ABCG2: variants seen among roughly 807,000 people sequenced by gnomAD.
ABCG2 encodes ATP binding cassette subfamily G member 2 (JR blood group).
Under a neutral mutation model 73.5 loss-of-function variants are expected in ABCG2, and 80 were observed. The ratio of observed to expected loss-of-function variants is 1.09; its 90% confidence interval spans 0.91 to 1.31. The LOEUF is 1.31. ABCG2 is among the 50% of genes most tolerant of loss of function. The pLI is 0.00. For synonymous variants in ABCG2, 269 were observed against 282.4 expected, an observed-to-expected ratio of 0.95 and a Z score of 0.48; for missense variants, 796 against 786.2, an observed-to-expected ratio of 1.01 and a Z score of -0.15.
intron 1 of ABCG2, among the ~76,000 whole-genome samples, chr4:88,212,010 G>A (rs1309750443): frequency 6.6e-6 from 1 of 152,210 alleles, no homozygotes; most frequent in Admixed American, 6.5e-5. Context: ...TGCTTACATA[G>A]TGTAGGAGAA....
At chr4:88,097,994 G>C (rs1336501066) in intron 12 of ABCG2, among the ~76,000 whole-genome samples, 1 of 152,120 alleles carries the variant, frequency 6.6e-6, no homozygotes, top group African/African-American at 2.4e-5. Flanking sequence ...GGACTGGGAC[G>C]ATCGGGATGC....
In ABCG2 at chr4:88,196,993, G is replaced by A. The variant is rs369523024; in HGVS notation, c.-20+34001C>T. Reference sequence around the variant, plus strand: ...AACCCCAAACCCCTCCAGCCATCCTGTCCTATTTAAGGTGAAAGTTTGAGG... The same window carrying A: ...AACCCCAAACCCCTCCAGCCATCCTATCCTATTTAAGGTGAAAGTTTGAGG... On this transcript the variant is annotated intron_variant, in intron 1 of 15. Transcript: ENST00000515655. Among the ~76,000 whole-genome samples, 125 of 151,972 alleles carry A rather than the reference G, an allele frequency of 8.2e-4. 7 individuals are homozygous for A. The South Asian group carries it at 0.024, about 29-fold the overall frequency.
intron 1 of ABCG2, among the ~76,000 whole-genome samples, chr4:88,170,110 CA>C (rs1161275708): frequency 0.055 from 3,165 of 57,660 alleles, 75 homozygotes; most frequent in African/African-American, 0.15. Context: ...GACTCCGTCT[CA>C]AAAAAAAAAA....
chr4:88,148,904 A>C (rs577412404), intron 1 of ABCG2, among the ~76,000 whole-genome samples: 1 of 152,310 alleles, frequency 6.6e-6, no homozygotes, highest in Non-Finnish European at 1.5e-5. Flanking sequence ...GACAACCACT[A>C]ATCAGTTTTC....
intron 9 of ABCG2, 24 bp from the exon 10 acceptor site, chr4:88,107,290 A>G (rs761872742): frequency 1.3e-6 from 2 of 1,533,472 alleles, no homozygotes; most frequent in South Asian, 1.2e-5. Context: ...AAAATGCAAA[A>G]AAAGGGGAAG....
intron 1 of ABCG2, among the ~76,000 whole-genome samples, chr4:88,168,057 A>T (rs1186084368): frequency 3.4e-5 from 5 of 147,076 alleles, no homozygotes; most frequent in Non-Finnish European, 7.5e-5. Context: ...TTACACAGAG[A>T]GAGACAGCAT....
intron 11 of ABCG2, among the ~76,000 whole-genome samples, chr4:88,100,486 G>A (rs1722321377): frequency 6.7e-6 from 1 of 149,818 alleles, no homozygotes; most frequent in Admixed American, 6.7e-5. Flanking sequence ...CTGGGAGACA[G>A]AGCGAGCGAG....
rs1721653501 is a variant in ABCG2, at chr4:88,091,720, AG to A, written c.*513del. The A allele has an allele frequency of 6.6e-6, 1 of 152,510 alleles. No individual in the cohort carries two copies. Among genetic ancestry groups the A allele is most frequent in the South Asian group, 2.1e-4 (1 of 4,840 alleles). 9.4% of individuals were successfully genotyped at this position (152,510 alleles called of 1,614,324 possible). A position where few individuals can be genotyped will look rare whatever the true frequency, so the allele number is the denominator to read the frequency against. On this transcript the variant is annotated 3_prime_UTR_variant, in exon 16 of 16. Transcript: ENST00000237612. ...ATTAACTTTAATGTGCTTATCAAAAAGATTTTTTTTCTATCACGGTGGCTTT... is the reference window on the plus strand; with the variant it reads ...ATTAACTTTAATGTGCTTATCAAAAAATTTTTTTTCTATCACGGTGGCTTT...
intron 5 of ABCG2, among the ~76,000 whole-genome samples, chr4:88,124,440 T>C (rs183195922): frequency 2.6e-5 from 4 of 152,116 alleles, no homozygotes; most frequent in Admixed American, 1.3e-4. Context: ...AAGATACACA[T>C]AGGCTCAAAA....
chr4:88,108,368 A>C (rs918788479), intron 9 of ABCG2, among the ~76,000 whole-genome samples: 2 of 131,426 alleles, frequency 1.5e-5, no homozygotes, highest in African/African-American at 5.0e-5. Context: ...CTAAAAAAAA[A>C]CACACACAAA....
intron 1 of ABCG2, among the ~76,000 whole-genome samples, chr4:88,195,149 G>A (rs1330179965): frequency 6.6e-6 from 1 of 152,090 alleles, no homozygotes; most frequent in Non-Finnish European, 1.5e-5. Flanking sequence ...TGGGAGGATC[G>A]CTTGAGGCCA....
chr4:88,135,007 G>T (rs764413268), intron 2 of ABCG2, among the ~76,000 whole-genome samples: 1 of 152,198 alleles, frequency 6.6e-6, no homozygotes, highest in African/African-American at 2.4e-5. Context: ...GAACAGGGCC[G>T]TGCTCATTCC....
At chr4:88,209,356 A>C (rs1460858505) in intron 1 of ABCG2, among the ~76,000 whole-genome samples, 1 of 151,736 alleles carries the variant, frequency 6.6e-6, no homozygotes, top group Non-Finnish European at 1.5e-5. Flanking sequence ...CACCAAAAAA[A>C]ACAAAATAAA....
chr4:88,191,085 A>G (rs983864411), intron 1 of ABCG2, among the ~76,000 whole-genome samples: 1 of 151,026 alleles, frequency 6.6e-6, no homozygotes, highest in Non-Finnish European at 1.5e-5. Flanking sequence ...AAATACACAC[A>G]CAAAAAAAAA....
chr4:88,110,465 C>T (rs904879487), intron 9 of ABCG2, among the ~76,000 whole-genome samples: 9 of 152,038 alleles, frequency 5.9e-5, no homozygotes, highest in African/African-American at 2.2e-4. Context: ...ATTGCTTGAA[C>T]CCGGGAGGCG....
In ABCG2 at chr4:88,126,671, G is replaced by A. The variant is rs181802958; in HGVS notation, c.531+4390C>T. ...CCATCACATAAATAGAACAAATGAC[G>A]AAAACCACATGATTAACTCAATAGA... On this transcript the variant is annotated intron_variant, in intron 5 of 15. Coordinates refer to ENST00000237612, the MANE Select transcript of ABCG2 (RefSeq NM_004827.3). Among the ~76,000 whole-genome samples the A allele has an allele frequency of 3.5e-4, 53 of 152,162 alleles. 1 individual carries two copies. The East Asian group carries it at 5.2e-3, about 15-fold the overall frequency.
chr4:88,184,083 A>G (rs1728359234), intron 1 of ABCG2, among the ~76,000 whole-genome samples: 1 of 152,208 alleles, frequency 6.6e-6, no homozygotes, highest in Non-Finnish European at 1.5e-5. Context: ...GCCATATACA[A>G]CAGACCCACA....
At chr4:88,222,836 A>T (rs1730062854) in intron 1 of ABCG2, among the ~76,000 whole-genome samples, 1 of 152,194 alleles carries the variant, frequency 6.6e-6, no homozygotes, top group African/African-American at 2.4e-5. Flanking sequence ...CAGACACTCA[A>T]CACCAGCCAC....
intron 5 of ABCG2, among the ~76,000 whole-genome samples, chr4:88,128,248 C>T (rs1317943894): frequency 6.6e-6 from 1 of 152,028 alleles, no homozygotes; most frequent in Non-Finnish European, 1.5e-5. Flanking sequence ...GTTAGAATAG[C>T]GATGATTAAA....
Sources: gnomAD v4.1 joint callset for allele counts (sites outside exome capture counted in the v4.1 genomes callset) on GRCh38, gnomAD v4.1.1 for gene constraint, MANE v1.5 for transcripts, NCBI Gene and HGNC (gene_info 2026-07-23, HGNC 2026-07-21) for gene names.